The following C6 variants were observed in gnomAD, a reference collection of about 807,000 sequenced individuals.
C6 encodes complement C6.
In C6, 101 loss-of-function variants were observed where a neutral mutation model predicts 112.9. That is an observed-to-expected ratio of 0.89 (90% CI 0.76 to 1.06). The LOEUF (loss-of-function observed/expected upper bound fraction) is 1.06, where lower values mean the gene tolerates loss of function less well. Among genes scored for constraint, C6 ranks in the 50% least tolerant of loss-of-function variants. C6 has a pLI of 0.00. For missense variants in C6, 1,202 were observed against 1,104.6 expected, an observed-to-expected ratio of 1.09 and a Z score of -1.25; for synonymous variants, 431 against 384.1, an observed-to-expected ratio of 1.12 and a Z score of -1.43.
At chr5:41,176,341 T>C (rs1175842802) in intron 8 of C6, 134 bp downstream of exon 8, 1 of 923,336 alleles carries the variant, frequency 1.1e-6, no homozygotes, top group Non-Finnish European at 1.6e-6. Flanking sequence ...TTTTTTATCA[T>C]TCTTCATATC....
At chr5:41,235,075 ATGT>A (rs1194384760) in intron 1 of C6, among the ~76,000 whole-genome samples, 3,480 of 85,888 alleles carry the variant, frequency 0.041, 139 homozygotes, top group African/African-American at 0.11. Flanking sequence ...TTTTTTTTTA[ATGT>A]TTTTTTTTTT....
Position 41,186,067 on chromosome 5 carries a change from T to A in C6, c.726+3A>T. On this transcript the variant is annotated splice_donor_region_variant and intron_variant, in intron 6 of 17. Transcript: ENST00000337836. ...GAGTTGCCACCATGCTAGGCTGTCA[T>A]ACCTCAAAGCCGACATTTTCCAGAT... 6.2e-7 allele frequency: 1 copy of A among 1,613,942 alleles called. No homozygotes were observed. Among genetic ancestry groups the A allele is most frequent in the Non-Finnish European group, 8.5e-7 (1 of 1,179,868 alleles).
chr5:41,167,363 GAA>G, intron 9 of C6, among the ~76,000 whole-genome samples: 1 of 152,130 alleles, frequency 6.6e-6, no homozygotes, highest in African/African-American at 2.4e-5. Context: ...ATCAACCACA[GAA>G]TGATAAAAAA....
intron 4 of C6, among the ~76,000 whole-genome samples, chr5:41,198,921 C>A (rs1363253972): frequency 1.3e-5 from 2 of 152,074 alleles, no homozygotes; most frequent in African/African-American, 2.4e-5. Context: ...CTCTGATTCC[C>A]TTTTTTGTCA....
intron 2 of C6, among the ~76,000 whole-genome samples, chr5:41,202,148 A>C (rs1306784832): frequency 6.6e-6 from 1 of 152,182 alleles, no homozygotes; most frequent in Non-Finnish European, 1.5e-5. Flanking sequence ...GTGAGGCTAA[A>C]GATTCAAAGA....
At chr5:41,150,902 G>A (rs62361564) in intron 15 of C6, among the ~76,000 whole-genome samples, 1 of 149,754 alleles carries the variant, frequency 6.7e-6, no homozygotes, top group Non-Finnish European at 1.5e-5. Context: ...AAAAAAAAAG[G>A]CAGGCAGCAT....
chr5:41,245,529 C>G (rs1338025020), intron 1 of C6, among the ~76,000 whole-genome samples: 1 of 151,962 alleles, frequency 6.6e-6, no homozygotes, highest in Non-Finnish European at 1.5e-5. Context: ...TAACAAGATT[C>G]ACTAGTAAAG....
chr5:41,143,612 T>C (rs1745549935), intron 17 of C6, among the ~76,000 whole-genome samples: 1 of 152,220 alleles, frequency 6.6e-6, no homozygotes, highest in African/African-American at 2.4e-5. Flanking sequence ...ATACTAATTC[T>C]ACAGAAGAGG....
chr5:41,244,356 A>G (rs988532070), intron 1 of C6, among the ~76,000 whole-genome samples: 13 of 152,206 alleles, frequency 8.5e-5, no homozygotes, highest in African/African-American at 2.7e-4. Flanking sequence ...GTTAATTCTT[A>G]TAACATCTTT....
Position 41,186,185 on chromosome 5 carries a change from G to A in C6, c.611C>T (p.Pro204Leu). Residue 204 changes from proline (P) to leucine (L), a missense_variant, in exon 6 of 18, where the codon CCC (proline) becomes CTC (leucine). Physicochemically the swap from Pro to Leu is moderately conservative, Grantham distance 98 (BLOSUM62 -3). Transcript: ENST00000337836. ...AGAGTTATCAAGGACTTCTCCTCTGGGCTCTCCTGCCAGAAAATGAAACCT... is the reference window on the plus strand; with the variant it reads ...AGAGTTATCAAGGACTTCTCCTCTGAGCTCTCCTGCCAGAAAATGAAACCT... ...GNGFHFLAGE[P>L]RGEVLDNSFT... 1 of 1,613,762 alleles carries A rather than the reference G, an allele frequency of 6.2e-7. No homozygotes were observed. The highest frequency in any genetic ancestry group is 8.5e-7 in the Non-Finnish European group (1 of 1,179,834).
In C6 at chr5:41,186,089, A is replaced by G. The variant is rs1281078948; in HGVS notation, c.707T>C (p.Leu236Pro). Residue 236 changes from leucine (L) to proline (P), a missense_variant, in exon 6 of 18, where the codon CTG becomes CCG. By Grantham distance (98) the Leu-to-Pro change is moderately conservative. Coordinates refer to ENST00000337836, the MANE Select transcript of C6 (RefSeq NM_000065.5). The part of the protein sequence containing the change: ...TSNPYRVPAN[L>P]ENVGFEVQTA... ...TCATACCTCAAAGCCGACATTTTCC[A>G]GATTGGCCGGAACACGGTATGGATT... The G allele has an allele frequency of 6.2e-7, 1 of 1,613,986 alleles. No individual in the cohort carries two copies. Among genetic ancestry groups the G allele is most frequent in the South Asian group, 1.1e-5 (1 of 91,080 alleles).
chr5:41,145,816 G>A (rs183186629), intron 17 of C6, among the ~76,000 whole-genome samples: 16 of 152,282 alleles, frequency 1.1e-4, no homozygotes, highest in Admixed American at 6.5e-4. Flanking sequence ...CCTCTGGTTA[G>A]GACATCAGTT....
In C6 at chr5:41,149,858, C is replaced by T. The variant is rs527608637; in HGVS notation, c.2381+77G>A. ...TATTTCATGTCTGTGCTTCAAAAAG[C>T]TCAGCTCTTCCATCAAATTGGTTAC... is the stretch of plus-strand genomic sequence containing the variant. On this transcript the variant is annotated intron_variant, in intron 16 of 17. Coordinates refer to ENST00000337836, the MANE Select transcript of C6 (RefSeq NM_000065.5). The T allele has an allele frequency of 4.7e-5, 44 of 941,172 alleles. No individual in the cohort carries two copies. The East Asian group carries it at 1.0e-3, about 22-fold the overall frequency. 58.3% of individuals were successfully genotyped at this position (941,172 alleles called of 1,614,324 possible).
chr5:41,166,695 G>A (rs893243811), intron 9 of C6, among the ~76,000 whole-genome samples: 1 of 152,122 alleles, frequency 6.6e-6, no homozygotes, highest in African/African-American at 2.4e-5. Context: ...ATGATGTTGT[G>A]AATGCAGGTT....
At chr5:41,248,300 A>C (rs1580255431) in intron 1 of C6, among the ~76,000 whole-genome samples, 1 of 152,366 alleles carries the variant, frequency 6.6e-6, no homozygotes, top group East Asian at 1.9e-4. Context: ...AAGCAATTGC[A>C]ACAGAAACAA....
chr5:41,254,897 G>A (rs1453207220), intron 1 of C6, among the ~76,000 whole-genome samples: 1 of 151,806 alleles, frequency 6.6e-6, no homozygotes, highest in Non-Finnish European at 1.5e-5. Context: ...AGATAATTTT[G>A]CAAATGAGTA....
intron 5 of C6, among the ~76,000 whole-genome samples, chr5:41,190,106 C>T (rs1750082496): frequency 6.6e-6 from 1 of 152,074 alleles, no homozygotes; most frequent in East Asian, 1.9e-4. Flanking sequence ...TACCGATTTC[C>T]TTTGCTTTGG....
At position 41,186,109 on chromosome 5, in the gene C6, T is replaced by C; in HGVS notation, c.687A>G (p.Pro229=). 6.2e-7 allele frequency: 1 copy of C among 1,614,048 alleles called. No homozygotes were observed. The highest frequency in any genetic ancestry group is 8.5e-7 in the Non-Finnish European group (1 of 1,179,944). ...KTVKSSRTSN[P]YRVPANLENV... ...TTTCCAGATTGGCCGGAACACGGTA[T>C]GGATTACTTGTCCTACTGCTTTTGA... Residue 229 remains proline (P), a synonymous_variant, in exon 6 of 18, where the codon CCA becomes CCG. Transcript: ENST00000337836.
intron 9 of C6, among the ~76,000 whole-genome samples, chr5:41,166,946 T>C (rs1356645927): frequency 1.3e-5 from 2 of 152,186 alleles, no homozygotes; most frequent in Non-Finnish European, 2.9e-5. Flanking sequence ...CTTAGTTTTA[T>C]ACAGTAAATG....
Sources: allele counts gnomAD v4.1 joint callset (sites outside exome capture counted in the v4.1 genomes callset), GRCh38; gene constraint gnomAD v4.1.1; transcripts MANE v1.5; gene names NCBI Gene and HGNC (gene_info 2026-07-23, HGNC 2026-07-21).